The following PKHD1L1 variants were observed in gnomAD, a reference collection of about 807,000 sequenced individuals.
PKHD1L1 encodes PKHD1 like 1.
A neutral mutation model predicts 462.9 loss-of-function variants in PKHD1L1; 434 were observed. That is an observed-to-expected ratio of 0.94 (90% CI 0.87 to 1.02). The LOEUF is 1.02. Ranked by LOEUF, PKHD1L1 falls within the 50% of genes least tolerant of loss-of-function variation. The probability of loss-of-function intolerance (pLI) is 0.00; values close to 1 mark genes in which losing one functional copy is unlikely to be tolerated. For synonymous variants in PKHD1L1, 1,781 were observed against 1,750.0 expected (o/e 1.02, Z -0.44); for missense variants, 5,202 against 5,096.1 (o/e 1.02, Z -0.63).
chr8:109,435,832 G>A lies in PKHD1L1; in HGVS notation c.3505+478G>A, dbSNP rs565766097. On this transcript the variant is annotated intron_variant, in intron 29 of 77. Transcript: ENST00000378402. ...CATTTGTTTGTTTTTTTTACCAGGCGTAGTTTAGGGTTTTGTGCTTTGATT... is the reference window on the plus strand; with the variant it reads ...CATTTGTTTGTTTTTTTTACCAGGCATAGTTTAGGGTTTTGTGCTTTGATT... Among the ~76,000 whole-genome samples the A allele has an allele frequency of 7.4e-4, 113 of 152,168 alleles. 1 individual carries two copies. The highest frequency in any genetic ancestry group is 1.4e-3 in the Non-Finnish European group (96 of 67,996).
chr8:109,479,431 C>CA, intron 53 of PKHD1L1, 120 bp from the exon 54 acceptor site: 2 of 613,038 alleles, frequency 3.3e-6, no homozygotes, highest in South Asian at 4.1e-5. Context: ...ACAAAGCGTG[C>CA]ATTTTTTTTC....
intron 2 of PKHD1L1, among the ~76,000 whole-genome samples, chr8:109,379,162 G>T (rs1287307278): frequency 2.6e-5 from 4 of 152,082 alleles, no homozygotes; most frequent in Admixed American, 2.6e-4. Flanking sequence ...CTCTCAATAG[G>T]CTACCACTCC....
chr8:109,507,128 A>G (rs939508364), intron 68 of PKHD1L1, among the ~76,000 whole-genome samples: 4 of 152,192 alleles, frequency 2.6e-5, no homozygotes, highest in African/African-American at 9.6e-5. Flanking sequence ...CTAATCTGCA[A>G]TTGGTGATGA....
chr8:109,515,673 A>G (rs1488682537), intron 72 of PKHD1L1, among the ~76,000 whole-genome samples: 1 of 152,188 alleles, frequency 6.6e-6, no homozygotes, highest in Admixed American at 6.5e-5. Context: ...CATAGAAGTT[A>G]GAACCTAAAT....
chr8:109,519,669 C>T (rs548381643), intron 73 of PKHD1L1, among the ~76,000 whole-genome samples: 1 of 152,280 alleles, frequency 6.6e-6, no homozygotes, highest in African/African-American at 2.4e-5. Flanking sequence ...GAAGCTTACA[C>T]TTCAAGCCCC....
At chr8:109,433,401 A>T (rs761416268) in intron 28 of PKHD1L1, among the ~76,000 whole-genome samples, 185 bp downstream of exon 28, 4 of 152,208 alleles carry the variant, frequency 2.6e-5, no homozygotes, top group Admixed American at 6.5e-5. Context: ...TTTGATTATG[A>T]TCACAGACTA....
chr8:109,489,930 T>G (rs758927381), intron 59 of PKHD1L1, 22 bp from the exon 60 acceptor site: 1 of 1,457,186 alleles, frequency 6.9e-7, no homozygotes, highest in Non-Finnish European at 9.5e-7. Flanking sequence ...AAAAACAAAT[T>G]TTAAATCTTT....
intron 72 of PKHD1L1, among the ~76,000 whole-genome samples, chr8:109,516,329 G>A (rs781544615): frequency 1.3e-5 from 2 of 152,054 alleles, no homozygotes; most frequent in African/African-American, 2.4e-5. Flanking sequence ...TGATGGTCAT[G>A]TTCTGCTGAG....
chr8:109,390,750 T>G (rs1302777305), intron 9 of PKHD1L1, among the ~76,000 whole-genome samples: 1 of 152,152 alleles, frequency 6.6e-6, no homozygotes, highest in Non-Finnish European at 1.5e-5. Flanking sequence ...AAATATTATT[T>G]TATGTCCTGC....
At chr8:109,379,497 A>T (rs943274064) in intron 2 of PKHD1L1, among the ~76,000 whole-genome samples, 1 of 152,226 alleles carries the variant, frequency 6.6e-6, no homozygotes, top group Non-Finnish European at 1.5e-5. Context: ...AGCTATGGCC[A>T]AGATGTGAAC....
At chr8:109,455,942 C>T (rs1816799596) in intron 45 of PKHD1L1, among the ~76,000 whole-genome samples, 3 of 152,010 alleles carry the variant, frequency 2.0e-5, no homozygotes, top group Admixed American at 6.6e-5. Context: ...AGACAATAGA[C>T]TTTTGCTCAT....
chr8:109,434,748 C>T (rs1376216308), intron 28 of PKHD1L1, among the ~76,000 whole-genome samples: 2 of 152,164 alleles, frequency 1.3e-5, no homozygotes, highest in African/African-American at 4.8e-5. Context: ...GGATTACAGG[C>T]GTGAGCCACC....
intron 48 of PKHD1L1, among the ~76,000 whole-genome samples, chr8:109,462,421 G>A (rs714995): frequency 6.6e-6 from 1 of 151,914 alleles, no homozygotes; most frequent in Non-Finnish European, 1.5e-5. Context: ...CAGAGATACC[G>A]TCTGATTTAT....
At chr8:109,530,042 C>T (rs763170530) in intron 77 of PKHD1L1, 38 bp from the exon 78 acceptor site, 2 of 1,240,554 alleles carry the variant, frequency 1.6e-6, no homozygotes, top group South Asian at 3.9e-5. Flanking sequence ...TATGCTATTT[C>T]TACTTAAAAA....
In PKHD1L1 at chr8:109,425,127, A is replaced by C; in HGVS notation, c.2740A>C (p.Asn914His). 6.2e-7 allele frequency: 1 copy of C among 1,605,252 alleles called. No homozygotes were observed. Among genetic ancestry groups the C allele is most frequent in the African/African-American group, 1.3e-5 (1 of 74,376 alleles). ...ETENEFVYRG[N>H]NWPGESKIHI... ...AGAGAACGAGTTTGTCTACAGAGGA[A>C]ATAATTGGCCAGGCGAGTCAAAAAT... The change falls in exon 24 of 78, where the codon AAT (asparagine) becomes CAT (histidine). Residue 914 changes from asparagine to histidine, a missense_variant. Transcript: ENST00000378402.
intron 4 of PKHD1L1, among the ~76,000 whole-genome samples, chr8:109,383,288 T>TATAATTA (rs1439386643): frequency 1.0e-5 from 1 of 98,778 alleles, no homozygotes; most frequent in East Asian, 2.5e-4. Flanking sequence ...GAATTATATA[T>TATAATTA]TATGTATAAT....
chr8:109,496,592 G>A (rs1470612911), intron 63 of PKHD1L1, among the ~76,000 whole-genome samples: 2 of 152,152 alleles, frequency 1.3e-5, no homozygotes, highest in African/African-American at 4.8e-5. Context: ...TTAGACAAAA[G>A]TAAATACTAA....
chr8:109,497,181 C>A lies in PKHD1L1; in HGVS notation c.10508C>A (p.Thr3503Asn). ...TTESVHIYNV[T>N]LVDNGMAIFP... ...GAGAGTGTGCACATTTATAATGTGACCCTGGTTGACAATGGAATGGCCATT... is the reference window on the plus strand; with the variant it reads ...GAGAGTGTGCACATTTATAATGTGAACCTGGTTGACAATGGAATGGCCATT... Residue 3503 changes from threonine to asparagine, a missense_variant, in exon 65 of 78, where the codon ACC becomes AAC. Coordinates refer to ENST00000378402, the MANE Select transcript of PKHD1L1 (RefSeq NM_177531.6). The A allele has an allele frequency of 6.2e-7, 1 of 1,613,558 alleles. No homozygotes were observed. The highest frequency in any genetic ancestry group is 8.5e-7 in the Non-Finnish European group (1 of 1,179,718).
intron 21 of PKHD1L1, among the ~76,000 whole-genome samples, chr8:109,413,811 A>G (rs773834798): frequency 5.9e-5 from 9 of 152,168 alleles, no homozygotes; most frequent in Non-Finnish European, 1.0e-4. Context: ...AGACAAAACA[A>G]TGGTAAACTT....
Sources: gnomAD v4.1 joint callset for allele counts (sites outside exome capture counted in the v4.1 genomes callset) on GRCh38, gnomAD v4.1.1 for gene constraint, MANE v1.5 for transcripts, NCBI Gene and HGNC (gene_info 2026-07-23, HGNC 2026-07-21) for gene names.